ATP8B1: variants seen among roughly 807,000 people sequenced by gnomAD.
The protein encoded by ATP8B1 is phospholipid-transporting ATPase IC.
Under a neutral mutation model 149.9 loss-of-function variants are expected in ATP8B1, and 80 were observed. The ratio of observed to expected loss-of-function variants is 0.53; its 90% CI spans 0.45 to 0.64. ATP8B1 has a LOEUF of 0.64. ATP8B1 is among the 30% of genes least tolerant of loss of function. ATP8B1 has a pLI of 0.00. For synonymous variants in ATP8B1, 536 were observed against 562.8 expected, an observed-to-expected ratio of 0.95 and a Z score of 0.67; for missense variants, 1,247 against 1,552.6, an observed-to-expected ratio of 0.80 and a Z score of 3.31.
At chr18:57,650,542 A>C (rs1361151212) in intron 26 of ATP8B1, 45 bp from the exon 27 acceptor site, 1 of 1,601,756 alleles carries the variant, frequency 6.2e-7, no homozygotes, top group Non-Finnish European at 8.5e-7. Flanking sequence ...CTTTTTTCCT[A>C]AGAACATAGT....
At chr18:57,799,364 A>G (rs2571219) in intron 1 of ATP8B1, among the ~76,000 whole-genome samples, 66,116 of 152,070 alleles carry the variant, frequency 0.43, 15,333 homozygotes, top group African/African-American at 0.58. Flanking sequence ...TAAGTATCAA[A>G]GAAAGTACCA....
intron 1 of ATP8B1, among the ~76,000 whole-genome samples, chr18:57,794,204 C>A (rs2080489145): frequency 6.6e-6 from 1 of 151,870 alleles, no homozygotes; most frequent in African/African-American, 2.4e-5. Context: ...CACGTAAATC[C>A]TTATTTGGCT....
chr18:57,683,927 T>C, intron 15 of ATP8B1, 109 bp downstream of exon 15: 1 of 1,373,916 alleles, frequency 7.3e-7, no homozygotes, highest in Non-Finnish European at 1.0e-6. Flanking sequence ...TGCATTCTAA[T>C]ATGAGACAGA....
rs199499992 is a variant in ATP8B1, at chr18:57,652,526, G to A, written c.3219C>T (p.Ala1073=). 25 of 1,614,176 alleles carry A rather than the reference G, an allele frequency of 1.5e-5. No individual in the cohort carries two copies. The East Asian group carries it at 3.3e-4, about 22-fold the overall frequency. ...GEAPSDYQSF[A]VTIASALVIT... Reference sequence around the variant, plus strand: ...TTACAAGAGCAGAGGCAATGGTGACGGCAAAAGACTGGTAGTCGGAAGGTG... The same window carrying A: ...TTACAAGAGCAGAGGCAATGGTGACAGCAAAAGACTGGTAGTCGGAAGGTG... The change falls in exon 25 of 28, where the codon GCC becomes GCT. Residue 1073 remains alanine, a synonymous_variant. Transcript: ENST00000648908.
At chr18:57,675,625 C>T (rs908437441) in intron 15 of ATP8B1, among the ~76,000 whole-genome samples, 5 of 152,130 alleles carry the variant, frequency 3.3e-5, no homozygotes, top group African/African-American at 9.7e-5. Context: ...TCTTGATCTC[C>T]GGGGCCCAAG....
intron 2 of ATP8B1, among the ~76,000 whole-genome samples, chr18:57,717,538 A>G (rs2079594163): frequency 9.2e-6 from 1 of 109,272 alleles, no homozygotes; most frequent in African/African-American, 3.5e-5. Flanking sequence ...ACAGAGCAAG[A>G]CTCTGTCTCA....
At chr18:57,762,940 C>G (rs552394282) in intron 1 of ATP8B1, among the ~76,000 whole-genome samples, 1 of 152,262 alleles carries the variant, frequency 6.6e-6, no homozygotes, top group East Asian at 1.9e-4. Flanking sequence ...GATTACTTCT[C>G]TTGATCCAAA....
Position 57,756,653 on chromosome 18 carries a change from T to TTC in ATP8B1, c.-25-24823_-25-24822dup, listed in dbSNP as rs112851704. On this transcript the variant is annotated intron_variant, in intron 1 of 27. Coordinates refer to ENST00000648908, the MANE Select transcript of ATP8B1 (RefSeq NM_001374385.1). ...TGACATTAAAAGAATATGGTATTCC[T>TTC]TCTCTCTCTCTCTCTCTCTTTTTAA... Among the ~76,000 whole-genome samples the TTC allele has an allele frequency of 1.7e-3, 250 of 149,260 alleles. 10 individuals carry two copies. The East Asian group carries it at 0.035, about 21-fold the overall frequency.
chr18:57,792,788 T>A (rs1315449745), intron 1 of ATP8B1, among the ~76,000 whole-genome samples: 1 of 148,504 alleles, frequency 6.7e-6, no homozygotes, highest in Non-Finnish European at 1.5e-5. Context: ...AACAAAAAAA[T>A]CCATGTGTAT....
intron 6 of ATP8B1, among the ~76,000 whole-genome samples, chr18:57,698,810 T>C (rs1350737635): frequency 1.3e-5 from 2 of 152,240 alleles, no homozygotes; most frequent in Admixed American, 1.3e-4. Context: ...TTCAGGGCTT[T>C]GCTCACGTCT....
chr18:57,674,240 T>TAA (rs1190750655), intron 16 of ATP8B1, among the ~76,000 whole-genome samples: 1 of 12,266 alleles, frequency 8.2e-5, no homozygotes, highest in African/African-American at 4.7e-4. Context: ...AGACTCCATC[T>TAA]CAAAAAAAAA....
intron 2 of ATP8B1, among the ~76,000 whole-genome samples, chr18:57,711,227 A>G (rs959893932): frequency 6.6e-6 from 1 of 152,176 alleles, no homozygotes; most frequent in Non-Finnish European, 1.5e-5. Context: ...ATGCAGCCCT[A>G]TTTATCAGAA....
intron 2 of ATP8B1, among the ~76,000 whole-genome samples, chr18:57,711,535 A>G (rs1913687772): frequency 6.6e-6 from 1 of 152,252 alleles, no homozygotes; most frequent in Non-Finnish European, 1.5e-5. Flanking sequence ...TTCTTTGCGC[A>G]TACAAACGTG....
Position 57,688,354 on chromosome 18 carries a change from T to A in ATP8B1, c.1374A>T (p.Thr458=). 5 of 1,614,174 alleles carry A rather than the reference T, an allele frequency of 3.1e-6. No homozygotes were observed. The highest frequency in any genetic ancestry group is 4.2e-6 in the Non-Finnish European group (5 of 1,180,042). Residue 458 remains threonine (T), a synonymous_variant, in exon 13 of 28, where the codon ACA becomes ACT. Coordinates refer to ENST00000648908, the MANE Select transcript of ATP8B1 (RefSeq NM_001374385.1). Reference sequence around the variant, plus strand: ...TAAAGGTCATGATATTTTGTGTGAGTGTCCCCGTCTTATCAGAGAAGATAT... The same window carrying A: ...TAAAGGTCATGATATTTTGTGTGAGAGTCCCCGTCTTATCAGAGAAGATAT... ...IHYIFSDKTG[T]LTQNIMTFKK...
At chr18:57,697,024 G>A (rs1912850685) in intron 8 of ATP8B1, among the ~76,000 whole-genome samples, 1 of 152,146 alleles carries the variant, frequency 6.6e-6, no homozygotes, top group African/African-American at 2.4e-5. Flanking sequence ...AATTTGGCAG[G>A]CCAAGGTGGG....
intron 2 of ATP8B1, among the ~76,000 whole-genome samples, chr18:57,717,165 G>A (rs1230451643): frequency 6.6e-6 from 1 of 152,174 alleles, no homozygotes. Flanking sequence ...GTGGGACACA[G>A]TGAAAGCAGT....
At chr18:57,677,256 G>A (rs1911652544) in intron 15 of ATP8B1, among the ~76,000 whole-genome samples, 2 of 152,182 alleles carry the variant, frequency 1.3e-5, no homozygotes, top group Non-Finnish European at 2.9e-5. Flanking sequence ...GTATTGGTTT[G>A]TGAAAATTCA....
At chr18:57,801,541 G>A (rs2080574764) in intron 1 of ATP8B1, among the ~76,000 whole-genome samples, 1 of 152,172 alleles carries the variant, frequency 6.6e-6, no homozygotes, top group South Asian at 2.1e-4. Context: ...TTCCTTAGCG[G>A]ACGAAAATTA....
At chr18:57,674,543 C>T (rs1263073974) in intron 16 of ATP8B1, among the ~76,000 whole-genome samples, 1 of 151,922 alleles carries the variant, frequency 6.6e-6, no homozygotes, top group Non-Finnish European at 1.5e-5. Context: ...AGCCACCACG[C>T]CCGGCTAATT....
Sources: gnomAD v4.1 joint callset for allele counts (sites outside exome capture counted in the v4.1 genomes callset) on GRCh38, gnomAD v4.1.1 for gene constraint, MANE v1.5 for transcripts, NCBI Gene and HGNC (gene_info 2026-07-23, HGNC 2026-07-21) for gene names.